Variants in DENND5A observed in about 807,000 individuals in gnomAD.
DENND5A encodes the protein DENN domain containing 5A.
Under a neutral mutation model 140.3 loss-of-function variants are expected in DENND5A, and 64 were observed. The observed-to-expected ratio is 0.46, with a 90% CI of 0.37 to 0.56. The LOEUF (loss-of-function observed/expected upper bound fraction) is 0.56. Ranked by LOEUF, DENND5A falls within the 20% of genes least tolerant of loss-of-function variation. The pLI, the probability that DENND5A is intolerant of heterozygous loss-of-function variation, is 0.00. For missense variants in DENND5A, 1,292 were observed against 1,593.8 expected (o/e 0.81, Z 3.22); for synonymous variants, 605 against 607.7 (o/e 1.00, Z 0.07).
At chr11:9,167,646 A>G (rs114876012) in intron 10 of DENND5A, among the ~76,000 whole-genome samples, 7,922 of 151,808 alleles carry the variant, frequency 0.052, 698 homozygotes, top group African/African-American at 0.18. Context: ...AACAACAACA[A>G]CAAACAATTA....
At chr11:9,253,720 T>C (rs532291113) in intron 1 of DENND5A, among the ~76,000 whole-genome samples, 20 of 151,698 alleles carry the variant, frequency 1.3e-4, no homozygotes, top group African/African-American at 3.6e-4. Context: ...CTGGGCCCAT[T>C]AGCAGGTATA....
intron 12 of DENND5A, among the ~76,000 whole-genome samples, chr11:9,157,693 A>G (rs935349177): frequency 6.6e-6 from 1 of 152,154 alleles, no homozygotes; most frequent in Non-Finnish European, 1.5e-5. Flanking sequence ...GTAGTGTTGT[A>G]TGGTGTGTAT....
intron 5 of DENND5A, among the ~76,000 whole-genome samples, chr11:9,182,851 G>A (rs923806529): frequency 6.6e-6 from 1 of 152,114 alleles, no homozygotes; most frequent in South Asian, 2.1e-4. Context: ...GCACTGTAGG[G>A]TGACTACACT....
chr11:9,247,161 C>G (rs1035238910), intron 1 of DENND5A, among the ~76,000 whole-genome samples: 1 of 149,650 alleles, frequency 6.7e-6, no homozygotes, highest in African/African-American at 2.5e-5. Flanking sequence ...ACCCGGGAGG[C>G]GGAGCTTGCA....
intron 11 of DENND5A, among the ~76,000 whole-genome samples, chr11:9,163,050 C>T (rs545437356): frequency 9.9e-5 from 15 of 152,126 alleles, no homozygotes; most frequent in Admixed American, 2.6e-4. Context: ...TTCATCCACA[C>T]TGATGTGTAT....
chr11:9,255,498 G>A (rs745451258), intron 1 of DENND5A, among the ~76,000 whole-genome samples: 5 of 152,040 alleles, frequency 3.3e-5, no homozygotes, highest in Non-Finnish European at 4.4e-5. Context: ...TTGGGAGGTC[G>A]AGGCAGGTGA....
At chr11:9,162,233 C>CTTTTTTT (rs1221675349) in intron 11 of DENND5A, among the ~76,000 whole-genome samples, 19 of 97,322 alleles carry the variant, frequency 2.0e-4, no homozygotes, top group Non-Finnish European at 3.0e-4. Context: ...CCAGTTCCTT[C>CTTTTTTT]TTTTTTTTTT....
Position 9,244,036 on chromosome 11 carries a change from G to A in DENND5A, c.109+20925C>T, listed in dbSNP as rs1049186135. Among the ~76,000 whole-genome samples, 5 of 152,180 alleles carry A rather than the reference G, an allele frequency of 3.3e-5. No individual in the cohort carries two copies. The East Asian group carries it at 9.6e-4, about 29-fold the overall frequency. ...TTGGTAAGGTTTCCAGTCAGCAGTA[G>A]GCTGTTAGTAAAGTTTTCAGGGAGT... On this transcript the variant is annotated intron_variant, in intron 1 of 22. Transcript: ENST00000328194.
At chr11:9,173,513 T>C (rs559337151) in intron 8 of DENND5A, among the ~76,000 whole-genome samples, 1 of 152,306 alleles carries the variant, frequency 6.6e-6, no homozygotes, top group South Asian at 2.1e-4. Flanking sequence ...AATAGAGTTT[T>C]GTGAAGTTCT....
intron 5 of DENND5A, among the ~76,000 whole-genome samples, chr11:9,192,400 G>A (rs1348727764): frequency 3.3e-5 from 5 of 152,094 alleles, no homozygotes; most frequent in Admixed American, 1.3e-4. Flanking sequence ...AGGCCAAGGC[G>A]GGTGGATCAT....
chr11:9,231,373 G>A (rs538622614), intron 1 of DENND5A, among the ~76,000 whole-genome samples: 5 of 152,222 alleles, frequency 3.3e-5, no homozygotes, highest in African/African-American at 1.2e-4. Context: ...ACTTATAAGG[G>A]ACCACCCAGC....
Position 9,169,888 on chromosome 11 carries a change from C to G in DENND5A, c.2119G>C (p.Glu707Gln), listed in dbSNP as rs752406898. ...TGGTCATTATCTAAACGCAGGTGTTCTGTGTGCTGCTTCTGCCGATCTTTC... is the reference window on the plus strand; with the variant it reads ...TGGTCATTATCTAAACGCAGGTGTTGTGTGTGCTGCTTCTGCCGATCTTTC... The part of the protein sequence containing the change: ...RRKDRQKQHT[E>Q]HLRLDNDQRE... Residue 707 changes from glutamate (E) to glutamine (Q), a missense_variant, in exon 10 of 23, where the codon GAA becomes CAA. Physicochemically the swap from Glu to Gln is conservative, Grantham distance 29. Transcript: ENST00000328194. 1.2e-6 allele frequency: 2 copies of G among 1,613,636 alleles called. No individual in the cohort carries two copies. Among genetic ancestry groups the G allele is most frequent in the South Asian group, 1.1e-5 (1 of 91,056 alleles).
chr11:9,181,340 A>T (rs1158814642), intron 5 of DENND5A, among the ~76,000 whole-genome samples: 1 of 152,228 alleles, frequency 6.6e-6, no homozygotes, highest in Non-Finnish European at 1.5e-5. Flanking sequence ...AAATGGAGAT[A>T]AAGAGATAAA....
intron 15 of DENND5A, among the ~76,000 whole-genome samples, chr11:9,148,589 T>C (rs551649449): frequency 2.6e-5 from 4 of 152,200 alleles, no homozygotes; most frequent in African/African-American, 9.6e-5. Flanking sequence ...GAAACCTGTA[T>C]GTGGGAGATA....
chr11:9,250,652 T>TA (rs1395327862), intron 1 of DENND5A, among the ~76,000 whole-genome samples: 3 of 152,158 alleles, frequency 2.0e-5, no homozygotes, highest in Non-Finnish European at 4.4e-5. Context: ...CAAGCGGGGC[T>TA]AAAAAAATTA....
chr11:9,249,709 G>A (rs923635030), intron 1 of DENND5A, among the ~76,000 whole-genome samples: 2 of 151,940 alleles, frequency 1.3e-5, no homozygotes, highest in African/African-American at 2.4e-5. Context: ...CACCATGCCT[G>A]GCTAATTTTT....
intron 6 of DENND5A, 150 bp from the exon 7 acceptor site, chr11:9,179,223 A>T (rs986097928): frequency 1.8e-5 from 12 of 661,254 alleles, no homozygotes; most frequent in Non-Finnish European, 2.8e-5. Context: ...AAACTGGAAA[A>T]AATAAATAAA....
chr11:9,194,923 C>T (rs1416107000), intron 4 of DENND5A, among the ~76,000 whole-genome samples: 2 of 150,944 alleles, frequency 1.3e-5, no homozygotes, highest in East Asian at 2.0e-4. Flanking sequence ...TTCACCACCT[C>T]GGCCAGGCTG....
At chr11:9,159,281 A>G (rs1309370352) in intron 12 of DENND5A, among the ~76,000 whole-genome samples, 1 of 151,600 alleles carries the variant, frequency 6.6e-6, no homozygotes, top group Non-Finnish European at 1.5e-5. Context: ...GCCACATAAG[A>G]TGACACTATT....
Sources: allele counts gnomAD v4.1 joint callset (sites outside exome capture counted in the v4.1 genomes callset), GRCh38; gene constraint gnomAD v4.1.1; transcripts MANE v1.5; gene names NCBI Gene and HGNC (gene_info 2026-07-23, HGNC 2026-07-21).